Variants in TEN1 observed in about 807,000 individuals in gnomAD.
TEN1 encodes the protein CST complex subunit TEN1.
Under a neutral mutation model 9.3 loss-of-function variants are expected in TEN1, and 6 were observed. The observed-to-expected ratio is 0.65, with a 90% CI of 0.35 to 1.27. The LOEUF is 1.27. Among genes scored for constraint, TEN1 ranks in the 50% most tolerant of loss-of-function variants. TEN1 has a pLI of 0.03. For synonymous variants in TEN1, 65 were observed against 65.6 expected (o/e 0.99, Z 0.04); for missense variants, 149 against 158.2 (o/e 0.94, Z 0.31).
At chr17:75,981,148 C>A (rs1234252411) in intron 1 of TEN1, among the ~76,000 whole-genome samples, 3 of 151,584 alleles carry the variant, frequency 2.0e-5, no homozygotes, top group African/African-American at 7.2e-5. Flanking sequence ...ACGAGAATTA[C>A]AAGAATAGAA....
chr17:75,986,034 C>A (rs976094014), intron 1 of TEN1, 153 bp from the exon 2 acceptor site: 7 of 542,800 alleles, frequency 1.3e-5, no homozygotes, highest in Admixed American at 3.6e-5. Context: ...TGCTATCCCT[C>A]CCCCCAAAAA....
intron 3 of TEN1, among the ~76,000 whole-genome samples, chr17:75,992,959 GT>G (rs775560066): frequency 8.5e-4 from 115 of 134,970 alleles, no homozygotes; most frequent in East Asian, 1.8e-3. Context: ...CTTACTGCTG[GT>G]TTTTTTTTTT....
chr17:76,000,017 T>C lies in TEN1; in HGVS notation c.251-124T>C. On this transcript the variant is annotated intron_variant, in intron 3 of 3. Transcript: ENST00000397640. This position sits in a 1 kb window ranked among gnomAD's most constrained non-coding sequence, Gnocchi z 5.9. ...TTGCCTTTGCCCCATATGCTGTTAT[T>C]GTCCACATCACTTGCTGCCAAAACC... 7.0e-7 allele frequency: 1 copy of C among 1,425,096 alleles called. No homozygotes were observed. Among genetic ancestry groups the C allele is most frequent in the South Asian group, 1.4e-5 (1 of 70,064 alleles). The allele number at this position is 1,425,096 out of a possible 1,614,324, so 88.3% of individuals were successfully genotyped here. A position where few individuals can be genotyped will look rare whatever the true frequency, so the allele number is the denominator to read the frequency against.
intron 3 of TEN1, among the ~76,000 whole-genome samples, chr17:75,992,551 C>T (rs1048370682): frequency 4.6e-5 from 7 of 150,550 alleles, no homozygotes; most frequent in Middle Eastern, 3.2e-3. Flanking sequence ...CTTGCTCTGT[C>T]GCCCAGGCTG....
intron 2 of TEN1, among the ~76,000 whole-genome samples, chr17:75,990,230 G>C (rs2144353211): frequency 6.6e-6 from 1 of 150,604 alleles, no homozygotes; most frequent in Middle Eastern, 3.5e-3. Context: ...TATATTTTTA[G>C]TAGAGACAGG....
chr17:75,990,331 G>A (rs113536226), intron 2 of TEN1, among the ~76,000 whole-genome samples: 66 of 152,026 alleles, frequency 4.3e-4, no homozygotes, highest in African/African-American at 1.5e-3. Context: ...TTACCAGCAT[G>A]AGCCACCACG....
rs1001618828 is a variant in TEN1, at chr17:75,989,702, C to T, written c.93-1764C>T. On this transcript the variant is annotated intron_variant, in intron 2 of 3. Coordinates refer to ENST00000397640, the MANE Select transcript of TEN1 (RefSeq NM_001113324.3). ...TGCTGGGATTACAGGCGTGAGCCAT[C>T]GTGCCTGGCTTTATTGATTTTCAAT... Among the ~76,000 whole-genome samples, 7 of 152,022 alleles carry T rather than the reference C, an allele frequency of 4.6e-5. No homozygotes were observed. In the South Asian group the frequency reaches 1.0e-3, roughly 22 times the overall value.
chr17:75,995,021 A>G (rs538770115), intron 3 of TEN1, among the ~76,000 whole-genome samples: 1 of 152,260 alleles, frequency 6.6e-6, no homozygotes, highest in East Asian at 1.9e-4. Context: ...CAGGAGTTTA[A>G]GACCAACCTG....
At chr17:75,991,950 G>T (rs1197990296) in intron 3 of TEN1, among the ~76,000 whole-genome samples, 2 of 151,538 alleles carry the variant, frequency 1.3e-5, no homozygotes, top group African/African-American at 4.9e-5. Flanking sequence ...AGGAGACTGA[G>T]GCAGGAGAAT....
intron 3 of TEN1, among the ~76,000 whole-genome samples, chr17:75,994,302 T>C (rs80172178): frequency 0.22 from 31,958 of 147,240 alleles, 3,547 homozygotes; most frequent in Middle Eastern, 0.29. Flanking sequence ...GGCGTGGTGG[T>C]GCATGCCTGT....
At chr17:75,987,839 C>T (rs2066160940) in intron 2 of TEN1, among the ~76,000 whole-genome samples, 1 of 145,382 alleles carries the variant, frequency 6.9e-6, no homozygotes, top group African/African-American at 2.6e-5. Flanking sequence ...ATCGCTTAAA[C>T]CTAGGAGGTG....
intron 2 of TEN1, among the ~76,000 whole-genome samples, chr17:75,986,796 G>A (rs1320515763): frequency 6.6e-6 from 1 of 151,310 alleles, no homozygotes; most frequent in Non-Finnish European, 1.5e-5. Flanking sequence ...GTGTAGAGAG[G>A]AAGGAAAAGT....
In TEN1 at chr17:75,999,083, C is replaced by T. The variant is rs575804408; in HGVS notation, c.251-1058C>T. 8.5e-5 allele frequency among the ~76,000 whole-genome samples: 13 copies of T among 152,112 alleles called. No individual in the cohort carries two copies. In the South Asian group the frequency reaches 1.9e-3, roughly 22 times the overall value. On this transcript the variant is annotated intron_variant, in intron 3 of 3. Transcript: ENST00000397640. Reference sequence around the variant, plus strand: ...AATGTCAGCAATGCACAGTGGCTCACGCCTATAATCCATGCATGTTGGGAG... The same window carrying T: ...AATGTCAGCAATGCACAGTGGCTCATGCCTATAATCCATGCATGTTGGGAG...
rs548995348 is a variant in TEN1, at chr17:75,981,180, C to CT, written c.-7+1672dup. Among the ~76,000 whole-genome samples the CT allele has an allele frequency of 5.7e-4, 86 of 151,362 alleles. No homozygotes were observed. In the South Asian group the frequency reaches 0.017, roughly 30 times the overall value. ...AGAACAAAGAACTTTTCTTCTGTGA[C>CT]TTTAACGCTTTTTTTTTTTCTTTTG... On this transcript the variant is annotated intron_variant, in intron 1 of 3. Coordinates refer to ENST00000397640, the MANE Select transcript of TEN1 (RefSeq NM_001113324.3).
chr17:75,988,587 A>T (rs2066166655), intron 2 of TEN1, among the ~76,000 whole-genome samples: 2 of 149,778 alleles, frequency 1.3e-5, no homozygotes, highest in African/African-American at 4.9e-5. Context: ...AAAAAAAAAA[A>T]GAAAAGAAGA....
chr17:75,988,534 C>T (rs2066165494), intron 2 of TEN1, among the ~76,000 whole-genome samples: 1 of 134,506 alleles, frequency 7.4e-6, no homozygotes, highest in Non-Finnish European at 1.5e-5. Flanking sequence ...TGTACTTTAT[C>T]CTGGGTGACA....
intron 2 of TEN1, among the ~76,000 whole-genome samples, chr17:75,990,082 G>T (rs1413549547): frequency 1.4e-5 from 2 of 141,788 alleles, no homozygotes; most frequent in Non-Finnish European, 3.1e-5. Context: ...GTCTTGCTCT[G>T]TTGCCCAGAC....
intron 2 of TEN1, among the ~76,000 whole-genome samples, chr17:75,986,999 T>A (rs891324411): frequency 7.9e-5 from 12 of 152,152 alleles, no homozygotes; most frequent in Non-Finnish European, 1.8e-4. Context: ...ACAATTTTAG[T>A]TTTTCGTAGA....
Position 75,986,179 on chromosome 17 carries a change from G to A in TEN1, c.-6-8G>A. 6.5e-7 allele frequency: 1 copy of A among 1,539,636 alleles called. No individual in the cohort carries two copies. Among genetic ancestry groups the A allele is most frequent in the Non-Finnish European group, 8.8e-7 (1 of 1,141,044 alleles). ...TCTTCAAAATCCCTCTCAACTATTT[G>A]GTTACAGGAGCCCATGATGCTGCCC... is the stretch of plus-strand genomic sequence containing the variant. On this transcript the variant is annotated splice_region_variant and splice_polypyrimidine_tract_variant and intron_variant, in intron 1 of 3. Transcript: ENST00000397640.
Sources: gnomAD v4.1 joint callset for allele counts (sites outside exome capture counted in the v4.1 genomes callset) on GRCh38, gnomAD v4.1.1 for gene constraint, Gnocchi (gnomAD v3.1) non-coding constraint, MANE v1.5 for transcripts, NCBI Gene and HGNC (gene_info 2026-07-23, HGNC 2026-07-21) for gene names.